Variants in ZNF33B observed in about 807,000 individuals in gnomAD.
ZNF33B encodes zinc finger protein 11b (KOX 2).
Under a neutral mutation model 45.8 loss-of-function variants are expected in ZNF33B, and 29 were observed. That is an observed-to-expected ratio of 0.63 (90% confidence interval 0.47 to 0.86). The LOEUF (loss-of-function observed/expected upper bound fraction) is 0.86, where lower values mean the gene tolerates loss of function less well. ZNF33B is among the 40% of genes least tolerant of loss of function. The pLI is 0.00. For missense variants in ZNF33B, 831 were observed against 909.9 expected (o/e 0.91, Z 1.12); for synonymous variants, 305 against 307.8 (o/e 0.99, Z 0.10).
Position 42,610,301 on chromosome 10 carries a change from C to T in ZNF33B, c.251-15602G>A, listed in dbSNP as rs375036543. Among the ~76,000 whole-genome samples the T allele has an allele frequency of 3.3e-4, 50 of 152,108 alleles. 1 individual carries two copies. Among genetic ancestry groups the T allele is most frequent in the African/African-American group, 9.2e-4 (38 of 41,426 alleles). On this transcript the variant is annotated intron_variant, in intron 4 of 4. Coordinates refer to ENST00000359467, the MANE Select transcript of ZNF33B (RefSeq NM_006955.3). ...CTGTAATCCCAGCACTTTGGAATGC[C>T]GAGGTGGCTGGATCACCTGATGTCA...
intron 2 of ZNF33B, among the ~76,000 whole-genome samples, chr10:42,633,906 T>C (rs946615175): frequency 1.3e-5 from 2 of 151,378 alleles, no homozygotes; most frequent in African/African-American, 4.9e-5. Flanking sequence ...GAGGCAGACA[T>C]TGCAGTCAGC....
Position 42,580,160 on chromosome 10 carries a change from C to T in ZNF33B, c.74-5482G>A, listed in dbSNP as rs17157485. The stretch of plus-strand genomic sequence containing the variant: ...TACCTGGCACCAATATTATAGAATG[C>T]TCAGATAATAGGTAATATTGAGGAC... On this transcript the variant is annotated intron_variant, in intron 1 of 1. Coordinates refer to the ZNF33B transcript ENST00000462075. Among the ~76,000 whole-genome samples, 714 of 152,272 alleles carry T rather than the reference C, an allele frequency of 4.7e-3. 23 individuals carry two copies. The South Asian group carries it at 0.07, about 15-fold the overall frequency.
chr10:42,633,734 G>T (rs888684524), intron 2 of ZNF33B, among the ~76,000 whole-genome samples: 2 of 152,140 alleles, frequency 1.3e-5, no homozygotes, highest in South Asian at 2.1e-4. Flanking sequence ...TTGGGAGGCC[G>T]AGGCGGGTGG....
Position 42,593,199 on chromosome 10 carries a change from T to C in ZNF33B, c.1751A>G (p.His584Arg), listed in dbSNP as rs1180219858. The change falls in exon 5 of 5, where the codon CAT becomes CGT. Residue 584 changes from histidine (H) to arginine (R), a missense_variant. His to Arg is a conservative substitution (Grantham distance 29). Transcript: ENST00000359467. Reference sequence around the variant, plus strand: ...ATTGTAAAAGATTTTTCCACATTCATGACATTCATAGGGTTTCTCCCCCGT... The same window carrying C: ...ATTGTAAAAGATTTTTCCACATTCACGACATTCATAGGGTTTCTCCCCCGT... ...THTGEKPYEC[H>R]ECGKIFYNKS... 1.2e-6 allele frequency: 2 copies of C among 1,613,740 alleles called. No individual in the cohort carries two copies. The highest frequency in any genetic ancestry group is 2.2e-5 in the East Asian group (1 of 44,860).
intron 1 of ZNF33B, chr10:42,578,831 C>A (rs73262702): frequency 6.6e-6 from 1 of 152,200 alleles, no homozygotes; most frequent in Middle Eastern, 3.2e-3. Flanking sequence ...TTCTCCACTA[C>A]GAAGGCTGCC....
Position 42,594,150 on chromosome 10 carries a change from A to G in ZNF33B, c.800T>C (p.Ile267Thr), listed in dbSNP as rs1837287973. The G allele has an allele frequency of 6.2e-7, 1 of 1,613,948 alleles. No individual in the cohort carries two copies. The highest frequency in any genetic ancestry group is 8.5e-7 in the Non-Finnish European group (1 of 1,179,928). The change falls in exon 5 of 5, where the codon ATA becomes ACA. Residue 267 changes from isoleucine to threonine, a missense_variant. Physicochemically the swap from Ile to Thr is moderately conservative, Grantham distance 89. Transcript: ENST00000359467. ...ATAGTGACTGTCCTTTGATGGAGGT[A>G]TCTGATGGAACAAGAGGGATGAACT... Reference protein sequence around the residue: ...CDSSSLLFHQIPPSKDSHYEF... With the variant: ...CDSSSLLFHQTPPSKDSHYEF...
chr10:42,595,608 G>A (rs1271341738), intron 4 of ZNF33B, among the ~76,000 whole-genome samples: 1 of 152,104 alleles, frequency 6.6e-6, no homozygotes, highest in Non-Finnish European at 1.5e-5. Context: ...AAGGTTTAAT[G>A]GGGTCATAAG....
intron 1 of ZNF33B, among the ~76,000 whole-genome samples, chr10:42,577,640 TG>T (rs1205040446): frequency 6.6e-6 from 1 of 151,886 alleles, no homozygotes; most frequent in Non-Finnish European, 1.5e-5. Flanking sequence ...ATCAATCAGG[TG>T]AATTTGTCCT....
Position 42,593,469 on chromosome 10 carries a change from T to A in ZNF33B, c.1481A>T (p.Asp494Val). 1 of 1,614,120 alleles carries A rather than the reference T, an allele frequency of 6.2e-7. No homozygotes were observed. Among genetic ancestry groups the A allele is most frequent in the South Asian group, 1.1e-5 (1 of 91,084 alleles). ...LTQHQRTHIGDKPYECNACGK... is the reference protein window; with the variant it reads ...LTQHQRTHIGVKPYECNACGK... ...ACATGCATTACATTCATAAGGTTTA[T>A]CTCCTATGTGAGTTCTCTGATGCTG... Residue 494 changes from aspartate (D) to valine (V), a missense_variant, in exon 5 of 5, where the codon GAT (aspartate) becomes GTT (valine). Coordinates refer to ENST00000359467, the MANE Select transcript of ZNF33B (RefSeq NM_006955.3).
intron 4 of ZNF33B, among the ~76,000 whole-genome samples, chr10:42,619,482 G>A (rs1325896594): frequency 6.6e-6 from 1 of 152,002 alleles, no homozygotes; most frequent in Non-Finnish European, 1.5e-5. Flanking sequence ...TGCTATACAG[G>A]GAACACTAAA....
chr10:42,628,306 G>A lies in ZNF33B; in HGVS notation c.250+3623C>T, dbSNP rs182609546. ...GCTGGAATTACAGGCGTGAGACACCGCACCTGGCCTTGTTGAGCACTATTC... is the reference window on the plus strand; with the variant it reads ...GCTGGAATTACAGGCGTGAGACACCACACCTGGCCTTGTTGAGCACTATTC... On this transcript the variant is annotated intron_variant, in intron 4 of 4. Transcript: ENST00000359467. Among the ~76,000 whole-genome samples, 9 of 152,418 alleles carry A rather than the reference G, an allele frequency of 5.9e-5. No homozygotes were observed. The South Asian group carries it at 6.2e-4, about 11-fold the overall frequency.
chr10:42,608,869 AGACT>A (rs1487320018), intron 4 of ZNF33B, among the ~76,000 whole-genome samples: 1 of 148,968 alleles, frequency 6.7e-6, no homozygotes, highest in Non-Finnish European at 1.5e-5. Context: ...ACCTCTAATT[AGACT>A]GACAATGGAA....
chr10:42,619,470 C>T (rs1838478123), intron 4 of ZNF33B, among the ~76,000 whole-genome samples: 1 of 152,090 alleles, frequency 6.6e-6, no homozygotes, highest in Non-Finnish European at 1.5e-5. Flanking sequence ...TACTACTAGG[C>T]CTGCTATACA....
chr10:42,607,976 A>G (rs1468460199), intron 4 of ZNF33B, among the ~76,000 whole-genome samples: 1 of 152,202 alleles, frequency 6.6e-6, no homozygotes, highest in African/African-American at 2.4e-5. Context: ...TAAGAGATAG[A>G]TACAAACAGG....
chr10:42,579,991 G>A (rs370224360), intron 1 of ZNF33B: 8 of 154,414 alleles, frequency 5.2e-5, no homozygotes, highest in African/African-American at 1.7e-4. Context: ...TACCAATCGT[G>A]GAAAATGTGG....
chr10:42,595,402 G>T (rs1415472614), intron 4 of ZNF33B, among the ~76,000 whole-genome samples: 1 of 152,118 alleles, frequency 6.6e-6, no homozygotes, highest in Non-Finnish European at 1.5e-5. Context: ...TCAAACTCAG[G>T]AATGAAGTTG....
intron 4 of ZNF33B, among the ~76,000 whole-genome samples, chr10:42,598,768 T>A (rs531038103): frequency 6.6e-6 from 1 of 152,348 alleles, no homozygotes; most frequent in African/African-American, 2.4e-5. Context: ...GAGGTATTAA[T>A]AACCTTGTTA....
chr10:42,616,517 C>T (rs1462520630), intron 4 of ZNF33B, among the ~76,000 whole-genome samples: 1 of 152,208 alleles, frequency 6.6e-6, no homozygotes, highest in East Asian at 1.9e-4. Flanking sequence ...CGTCTGCACA[C>T]AAAATGAAAA....
chr10:42,622,430 C>T (rs1838630255), intron 4 of ZNF33B, among the ~76,000 whole-genome samples: 1 of 152,186 alleles, frequency 6.6e-6, no homozygotes, highest in Admixed American at 6.5e-5. Context: ...TCCAATTTCA[C>T]AACTTATTAG....
Sources: gnomAD v4.1 joint callset for allele counts (sites outside exome capture counted in the v4.1 genomes callset) on GRCh38, gnomAD v4.1.1 for gene constraint, MANE v1.5 for transcripts, NCBI Gene and HGNC (gene_info 2026-07-23, HGNC 2026-07-21) for gene names.